The following RNPEPL1 variants were observed in gnomAD, a reference collection of about 807,000 sequenced individuals.
RNPEPL1 encodes arginyl aminopeptidase like 1.
Under a neutral mutation model 69.0 loss-of-function variants are expected in RNPEPL1, and 46 were observed. The ratio of observed to expected loss-of-function variants is 0.67; its 90% CI spans 0.53 to 0.85. The LOEUF is 0.85. Ranked by LOEUF, RNPEPL1 falls within the 40% of genes least tolerant of loss-of-function variation. RNPEPL1 has a pLI of 0.00. For synonymous variants in RNPEPL1, 525 were observed against 454.1 expected, an observed-to-expected ratio of 1.16 and a Z score of -1.98; for missense variants, 869 against 992.5, an observed-to-expected ratio of 0.88 and a Z score of 1.67.
chr2:240,577,740 G>A lies in RNPEPL1; in HGVS notation c.2026G>A (p.Gly676Ser), dbSNP rs1384820499. The change falls in exon 11 of 11, where the codon GGC (glycine) becomes AGC (serine). Residue 676 changes from glycine to serine, a missense_variant. Transcript: ENST00000270357. ...AGCCATCCAGCAGATCCTGTCCCAG[G>A]GCCTGGGCTCCAGCACAGAGCCCGC... The part of the protein sequence containing the change: ...RRAIQQILSQ[G>S]LGSSTEPASE... 6.2e-7 allele frequency: 1 copy of A among 1,612,368 alleles called. No homozygotes were observed. The highest frequency in any genetic ancestry group is 8.5e-7 in the Non-Finnish European group (1 of 1,179,688).
chr2:240,575,674 C>A (rs143454831), intron 8 of RNPEPL1, 64 bp downstream of exon 8: 1 of 1,318,982 alleles, frequency 7.6e-7, no homozygotes, highest in Non-Finnish European at 1.1e-6. Context: ...GGGGCCTCTG[C>A]TGCCTGAGGG....
intron 10 of RNPEPL1, 79 bp from the exon 11 acceptor site, chr2:240,577,520 C>G: frequency 1.4e-6 from 2 of 1,464,642 alleles, no homozygotes. Context: ...GCAGGAGGGC[C>G]GCCTGGCCGG....
Position 240,579,732 on chromosome 2 carries a change from C to T in RNPEPL1, c.*1840C>T, listed in dbSNP as rs2093047952. ...GGAGGACCCCTTTCCTGTTTCTTAA[C>T]CATGCTTGATGGTGTCCTCAAAGGA... On this transcript the variant is annotated 3_prime_UTR_variant, in exon 11 of 11. Transcript: ENST00000270357. The T allele has an allele frequency of 6.6e-6, 1 of 152,264 alleles. No individual in the cohort carries two copies. The highest frequency in any genetic ancestry group is 1.5e-5 in the Non-Finnish European group (1 of 68,058). 9.4% of individuals were successfully genotyped at this position (152,264 alleles called of 1,614,324 possible).
Position 240,577,966 on chromosome 2 carries a change from T to G in RNPEPL1, c.*74T>G. On this transcript the variant is annotated 3_prime_UTR_variant, in exon 11 of 11. Coordinates refer to ENST00000270357, the MANE Select transcript of RNPEPL1 (RefSeq NM_018226.6). ...TTCTGTGGGCCAGGCCTGCCATGAC[T>G]GCGTCTCGGCTCTGGCCATGAGCTC... The G allele has an allele frequency of 7.3e-7, 1 of 1,366,898 alleles. No individual in the cohort carries two copies. The highest frequency in any genetic ancestry group is 9.6e-7 in the Non-Finnish European group (1 of 1,037,620). The allele number at this position is 1,366,898 out of a possible 1,614,324, so 84.7% of individuals were successfully genotyped here. A position where few individuals can be genotyped will look rare whatever the true frequency, so the allele number is the denominator to read the frequency against.
rs749266150 is a variant in RNPEPL1, at chr2:240,576,894, G to T, written c.1788G>T (p.Ser596=). The part of the protein sequence containing the change: ...LSKCYSSLLD[S]MNAEIRIRWL... Reference sequence around the variant, plus strand: ...AGTGCTACTCCTCCCTGCTGGACTCGATGAACGCTGAGATCCGCATCCGCT... The same window carrying T: ...AGTGCTACTCCTCCCTGCTGGACTCTATGAACGCTGAGATCCGCATCCGCT... Residue 596 remains serine (S), a synonymous_variant, in exon 10 of 11, where the codon TCG becomes TCT. Coordinates refer to ENST00000270357, the MANE Select transcript of RNPEPL1 (RefSeq NM_018226.6). 1.1e-5 allele frequency: 18 copies of T among 1,613,308 alleles called. No homozygotes were observed. The African/African-American group carries it at 1.2e-4, about 11-fold the overall frequency.
Position 240,568,674 on chromosome 2 carries a change from G to A in RNPEPL1, c.88G>A (p.Val30Met). 1 of 1,039,856 alleles carries A rather than the reference G, an allele frequency of 9.6e-7. No homozygotes were observed. Among genetic ancestry groups the A allele is most frequent in the Admixed American group, 5.3e-5 (1 of 18,882 alleles). The allele number at this position is 1,039,856 out of a possible 1,614,324, so 64.4% of individuals were successfully genotyped here. A position where few individuals can be genotyped will look rare whatever the true frequency, so the allele number is the denominator to read the frequency against. Residue 30 changes from valine (V) to methionine (M), a missense_variant, in exon 1 of 11, where the codon GTG (valine) becomes ATG (methionine). This residue lies in a region of RNPEPL1 where 259 missense variants were observed against 201.5 expected (regional missense o/e 1.29). Transcript: ENST00000270357. This position sits in a 1 kb window ranked among gnomAD's most constrained non-coding sequence, Gnocchi z 6.2. Reference sequence around the variant, plus strand: ...GCCCGAGCCGCCGCCCGCCCTGGACGTGGCCTCGGCCTCCAGCGCGCAGCT... The same window carrying A: ...GCCCGAGCCGCCGCCCGCCCTGGACATGGCCTCGGCCTCCAGCGCGCAGCT... ...PPPEPPPALDVASASSAQLFR... is the reference protein window; with the variant it reads ...PPPEPPPALDMASASSAQLFR...
At chr2:240,571,620 A>T (rs947560876) in intron 1 of RNPEPL1, among the ~76,000 whole-genome samples, 3 of 151,408 alleles carry the variant, frequency 2.0e-5, no homozygotes, top group Non-Finnish European at 4.4e-5. Context: ...CAGGCTTCTC[A>T]GTGGGGCTGG....
chr2:240,574,324 C>T lies in RNPEPL1; in HGVS notation c.1150C>T (p.Arg384Cys), dbSNP rs756722875. ...CGAGGGCCTGGCCACCTATGCCCAG[C>T]GCCGTATCACCACCGAGACCTACGG... ...LSEGLATYAQ[R>C]RITTETYGAA... The change falls in exon 5 of 11, where the codon CGC becomes TGC. Residue 384 changes from arginine to cysteine, a missense_variant. Arg to Cys is a radical substitution (Grantham distance 180, BLOSUM62 -3). Coordinates refer to ENST00000270357, the MANE Select transcript of RNPEPL1 (RefSeq NM_018226.6). 4 of 1,597,290 alleles carry T rather than the reference C, an allele frequency of 2.5e-6. No individual in the cohort carries two copies. The highest frequency in any genetic ancestry group is 2.7e-5 in the African/African-American group (2 of 73,790).
intron 5 of RNPEPL1, 80 bp from the exon 6 acceptor site, chr2:240,574,435 C>T (rs2093031925): frequency 3.9e-6 from 6 of 1,532,736 alleles, no homozygotes; most frequent in African/African-American, 1.4e-5. Context: ...CCCTGCCATG[C>T]TGCAGGTGCC....
rs1414685893 is a variant in RNPEPL1, at chr2:240,573,826, G to A, written c.873G>A (p.Leu291=). ...TCCTGCCCACGGCCACCAGCAAGCT[G>A]TCGGGCGCAGTGGAGCAGTGGCTGA... ...PCLLPTATSK[L]SGAVEQWLSA... Residue 291 remains leucine (L), a synonymous_variant, in exon 4 of 11, where the codon CTG becomes CTA. Coordinates refer to ENST00000270357, the MANE Select transcript of RNPEPL1 (RefSeq NM_018226.6). 11 of 1,552,924 alleles carry A rather than the reference G, an allele frequency of 7.1e-6. No individual in the cohort carries two copies. The highest frequency in any genetic ancestry group is 9.6e-6 in the Non-Finnish European group (11 of 1,148,440).
intron 2 of RNPEPL1, 81 bp downstream of exon 2, chr2:240,572,644 C>A: frequency 6.7e-7 from 1 of 1,487,860 alleles, no homozygotes; most frequent in Non-Finnish European, 9.0e-7. Context: ...TTGCTCCTAC[C>A]TGCCTGGGCT....
Position 240,568,875 on chromosome 2 carries a change from G to A in RNPEPL1, c.289G>A (p.Ala97Thr), listed in dbSNP as rs987190260. 7 of 1,226,014 alleles carry A rather than the reference G, an allele frequency of 5.7e-6. No homozygotes were observed. The highest frequency in any genetic ancestry group is 3.7e-5 in the Admixed American group (1 of 26,710). The allele number at this position is 1,226,014 out of a possible 1,614,324, so 75.9% of individuals were successfully genotyped here. A position where few individuals can be genotyped will look rare whatever the true frequency, so the allele number is the denominator to read the frequency against. The stretch of plus-strand genomic sequence containing the variant: ...CGCCTTCCGTCGCGCCCCCGCCGCC[G>A]CCGCCGAGACGCCCTGCGCCTTCGC... ...SAAFRRAPAA[A>T]AETPCAFAFS... The change falls in exon 1 of 11, where the codon GCC (alanine) becomes ACC (threonine). Residue 97 changes from alanine to threonine, a missense_variant. Transcript: ENST00000270357. This position sits in a 1 kb window ranked among gnomAD's most constrained non-coding sequence, Gnocchi z 6.2.
At position 240,580,005 on chromosome 2, in the gene RNPEPL1, C is replaced by A; in HGVS notation, c.*2113C>A. On this transcript the variant is annotated 3_prime_UTR_variant, in exon 11 of 11. Transcript: ENST00000270357. ...GCTTTGGGAAACTCAGCAGCAGTGC[C>A]CAGCGTCATGACCCTGGGGGCAGGA... 1 of 152,390 alleles carries A rather than the reference C, an allele frequency of 6.6e-6. No homozygotes were observed. Among genetic ancestry groups the A allele is most frequent in the Non-Finnish European group, 1.5e-5 (1 of 68,084 alleles). 9.4% of individuals were successfully genotyped at this position (152,390 alleles called of 1,614,324 possible). A position where few individuals can be genotyped will look rare whatever the true frequency, so the allele number is the denominator to read the frequency against.
rs1306878554 is a variant in RNPEPL1 at position 240,580,952 on chromosome 2, C to T, written c.*3060C>T. 1.3e-5 allele frequency: 2 copies of T among 152,250 alleles called. No individual in the cohort carries two copies. The highest frequency in any genetic ancestry group is 2.9e-5 in the Non-Finnish European group (2 of 68,054). The allele number at this position is 152,250 out of a possible 1,614,324, so 9.4% of individuals were successfully genotyped here. A position where few individuals can be genotyped will look rare whatever the true frequency, so the allele number is the denominator to read the frequency against. ...AATAAGGTTTTCTAAGTCCCTCAGG[C>T]CATGACAGGTTCAGTCCAGACTTGT... On this transcript the variant is annotated 3_prime_UTR_variant, in exon 11 of 11. Transcript: ENST00000270357.
chr2:240,569,057 G>C lies in RNPEPL1; in HGVS notation c.471G>C (p.Leu157=), dbSNP rs2093013492. The part of the protein sequence containing the change: ...SSLTVTLPPE[L]QAHQPFQVIL... ...TCACCGTCACGCTGCCGCCCGAGCT[G>C]CAGGCGCACCAGCCCTTCCAGGTCA... is the stretch of plus-strand genomic sequence containing the variant. Residue 157 remains leucine (L), a synonymous_variant, in exon 1 of 11, where the codon CTG becomes CTC. Coordinates refer to ENST00000270357, the MANE Select transcript of RNPEPL1 (RefSeq NM_018226.6). The C allele has an allele frequency of 2.6e-6, 4 of 1,510,468 alleles. No homozygotes were observed. The Admixed American group carries it at 8.2e-5, about 31-fold the overall frequency. 93.6% of individuals were successfully genotyped at this position (1,510,468 alleles called of 1,614,324 possible). A position where few individuals can be genotyped will look rare whatever the true frequency, so the allele number is the denominator to read the frequency against.
chr2:240,578,200 G>A lies in RNPEPL1; in HGVS notation c.*308G>A, dbSNP rs936472103. On this transcript the variant is annotated 3_prime_UTR_variant, in exon 11 of 11. Coordinates refer to ENST00000270357, the MANE Select transcript of RNPEPL1 (RefSeq NM_018226.6). ...AGCCCCGGATGCCAGCACCTGCCAGGTGCCGCCCCGGGGCAAGGGCCCCAG... is the reference window on the plus strand; with the variant it reads ...AGCCCCGGATGCCAGCACCTGCCAGATGCCGCCCCGGGGCAAGGGCCCCAG... The A allele has an allele frequency of 1.4e-5, 4 of 284,936 alleles. No individual in the cohort carries two copies. The highest frequency in any genetic ancestry group is 6.4e-5 in the African/African-American group (3 of 46,676). The allele number at this position is 284,936 out of a possible 1,614,324, so 17.7% of individuals were successfully genotyped here.
intron 4 of RNPEPL1, 44 bp downstream of exon 4, chr2:240,573,935 G>A (rs922598216): frequency 5.0e-5 from 77 of 1,537,098 alleles, no homozygotes; most frequent in Non-Finnish European, 6.6e-5. Flanking sequence ...GGAAGGAGGA[G>A]TCAGAGGGGG....
Position 240,577,951 on chromosome 2 carries a change from C to G in RNPEPL1, c.*59C>G. On this transcript the variant is annotated 3_prime_UTR_variant, in exon 11 of 11. Transcript: ENST00000270357. ...CACCACAATTGTGCCTTCTGTGGGC[C>G]AGGCCTGCCATGACTGCGTCTCGGC... 1 of 1,399,010 alleles carries G rather than the reference C, an allele frequency of 7.1e-7. No homozygotes were observed. The highest frequency in any genetic ancestry group is 1.7e-5 in the South Asian group (1 of 60,100). The allele number at this position is 1,399,010 out of a possible 1,614,324, so 86.7% of individuals were successfully genotyped here. A position where few individuals can be genotyped will look rare whatever the true frequency, so the allele number is the denominator to read the frequency against.
chr2:240,578,261 T>A lies in RNPEPL1; in HGVS notation c.*369T>A. 5.4e-6 allele frequency: 1 copy of A among 185,484 alleles called. No homozygotes were observed. The highest frequency in any genetic ancestry group is 6.0e-5 in the Admixed American group (1 of 16,720). 11.5% of individuals were successfully genotyped at this position (185,484 alleles called of 1,614,324 possible). On this transcript the variant is annotated 3_prime_UTR_variant, in exon 11 of 11. Transcript: ENST00000270357. Reference sequence around the variant, plus strand: ...GTGACCGCCACACTGTGCCTTAATGTCTGCCGGGGGCCCAGGCTGTGCTGT... The same window carrying A: ...GTGACCGCCACACTGTGCCTTAATGACTGCCGGGGGCCCAGGCTGTGCTGT...
Sources: allele counts gnomAD v4.1 joint callset (sites outside exome capture counted in the v4.1 genomes callset), GRCh38; gene constraint gnomAD v4.1.1; regional missense constraint gnomAD v4.1.1; non-coding constraint Gnocchi (gnomAD v3.1); transcripts MANE v1.5; gene names NCBI Gene and HGNC (gene_info 2026-07-23, HGNC 2026-07-21).